The following CDC42BPA variants were observed in gnomAD, a reference collection of about 807,000 sequenced individuals.
The protein encoded by CDC42BPA is serine/threonine-protein kinase MRCK alpha.
CDC42BPA carries 80 observed loss-of-function variants against 223.5 expected under a neutral mutation model. That is an observed-to-expected ratio of 0.36 (90% CI 0.30 to 0.43). The LOEUF is 0.43. Ranked by LOEUF, CDC42BPA falls within the 20% of genes least tolerant of loss-of-function variation. CDC42BPA has a pLI of 1.00. For missense variants in CDC42BPA, 1,743 were observed against 2,099.9 expected, an observed-to-expected ratio of 0.83 and a Z score of 3.32; for synonymous variants, 694 against 718.6, an observed-to-expected ratio of 0.97 and a Z score of 0.55.
intron 14 of CDC42BPA, among the ~76,000 whole-genome samples, chr1:227,102,982 A>G (rs962190591): frequency 9.2e-5 from 14 of 152,080 alleles, no homozygotes; most frequent in African/African-American, 1.4e-4. Flanking sequence ...AAAAACCAGT[A>G]ATTCTTTTAA....
chr1:227,085,647 T>C (rs1042648127), intron 16 of CDC42BPA, among the ~76,000 whole-genome samples: 2 of 152,214 alleles, frequency 1.3e-5, no homozygotes, highest in African/African-American at 4.8e-5. Context: ...AGTTTGTCTG[T>C]AATACCCCAT....
chr1:227,227,258 A>G (rs964491308), intron 2 of CDC42BPA, among the ~76,000 whole-genome samples: 1 of 152,200 alleles, frequency 6.6e-6, no homozygotes, highest in Non-Finnish European at 1.5e-5. Context: ...CAGCTACTAA[A>G]AAAATCTAGT....
chr1:227,195,188 A>G (rs1008106655), intron 4 of CDC42BPA, among the ~76,000 whole-genome samples: 1 of 152,042 alleles, frequency 6.6e-6, no homozygotes, highest in Non-Finnish European at 1.5e-5. Flanking sequence ...ACTAGGCCCA[A>G]CGTTTTTGTT....
intron 2 of CDC42BPA, among the ~76,000 whole-genome samples, chr1:227,249,161 C>T (rs372346111): frequency 1.3e-5 from 2 of 151,962 alleles, no homozygotes; most frequent in East Asian, 1.9e-4. Flanking sequence ...TTTTCAACAA[C>T]GGTGCCAAGA....
chr1:227,121,095 TG>T (rs1156542772), intron 11 of CDC42BPA, among the ~76,000 whole-genome samples: 1 of 152,200 alleles, frequency 6.6e-6, no homozygotes, highest in Non-Finnish European at 1.5e-5. Context: ...CGGCCCAGTC[TG>T]CTGGTACCAG....
chr1:227,180,266 C>A (rs1046694348), intron 5 of CDC42BPA, among the ~76,000 whole-genome samples: 6 of 152,020 alleles, frequency 3.9e-5, no homozygotes, highest in African/African-American at 1.4e-4. Context: ...AAGGAATTCT[C>A]AATTTTTTCC....
intron 21 of CDC42BPA, among the ~76,000 whole-genome samples, chr1:227,059,012 C>T (rs915687325): frequency 2.0e-5 from 3 of 151,992 alleles, no homozygotes; most frequent in South Asian, 2.1e-4. Flanking sequence ...ATTAAAATCT[C>T]TAAGAAACAA....
intron 2 of CDC42BPA, among the ~76,000 whole-genome samples, chr1:227,242,152 T>C (rs564001394): frequency 2.0e-5 from 3 of 151,846 alleles, no homozygotes; most frequent in Non-Finnish European, 2.9e-5. Flanking sequence ...ATATCAATAT[T>C]AGCCAAATAT....
At chr1:227,190,351 A>T (rs1397649717) in intron 5 of CDC42BPA, among the ~76,000 whole-genome samples, 1 of 152,212 alleles carries the variant, frequency 6.6e-6, no homozygotes, top group Non-Finnish European at 1.5e-5. Flanking sequence ...CTCATCTATA[A>T]AATGGGGCAA....
In CDC42BPA at chr1:227,317,092, A is replaced by T; in HGVS notation, c.91T>A (p.Leu31Ile). Residue 31 changes from leucine (L) to isoleucine (I), a missense_variant, in exon 1 of 37, where the codon TTA becomes ATA. Physicochemically the swap from Leu to Ile is conservative, Grantham distance 5 (BLOSUM62 2). Around this residue, in one of 6 missense-constraint regions of CDC42BPA, gnomAD observed 321 missense variants for 488.7 expected, o/e 0.66. Transcript: ENST00000366766. ...TNGQCFSVET[L>I]LDILICLYDE... ...TAAAGGCAGATGAGTATATCCAGTA[A>T]TGTCTCCACACTGAAGCACTGCCCA... The T allele has an allele frequency of 6.2e-7, 1 of 1,614,050 alleles. No homozygotes were observed. The highest frequency in any genetic ancestry group is 1.1e-5 in the South Asian group (1 of 91,072).
At chr1:227,201,512 C>CAACTCTTCAT (rs1671749801) in intron 3 of CDC42BPA, among the ~76,000 whole-genome samples, 1 of 152,134 alleles carries the variant, frequency 6.6e-6, no homozygotes, top group African/African-American at 2.4e-5. Flanking sequence ...AACACTATGA[C>CAACTCTTCAT]AGAAACTTCA....
rs757310346 is a variant in CDC42BPA at position 227,031,394 on chromosome 1, T to C, written c.3679A>G (p.Lys1227Glu). The part of the protein sequence containing the change: ...VLSELHKILK[K>E]NKFRDRSVYV... ...ACTGAGCGGTCTCTGAATTTGTTTT[T>C]CTTCAAAATCTTGTGCAATTCACTC... Residue 1227 changes from lysine (K) to glutamate (E), a missense_variant, in exon 28 of 37, where the codon AAA becomes GAA. This residue lies in a region of CDC42BPA where 678 missense variants were observed against 777.5 expected (regional missense o/e 0.87). Transcript: ENST00000366766. 1 of 1,614,136 alleles carries C rather than the reference T, an allele frequency of 6.2e-7. No homozygotes were observed. The highest frequency in any genetic ancestry group is 1.1e-5 in the South Asian group (1 of 91,078).
chr1:227,196,881 T>C (rs1407589252), intron 4 of CDC42BPA, among the ~76,000 whole-genome samples: 1 of 152,212 alleles, frequency 6.6e-6, no homozygotes, highest in East Asian at 1.9e-4. Context: ...ATTTCACTGG[T>C]TCATTATATT....
intron 20 of CDC42BPA, 24 bp from the exon 21 acceptor site, chr1:227,069,877 T>G (rs751131408): frequency 5.9e-6 from 9 of 1,535,554 alleles, no homozygotes; most frequent in African/African-American, 4.1e-5. Flanking sequence ...GCAACTTTTT[T>G]TAAGGCTACA....
intron 28 of CDC42BPA, among the ~76,000 whole-genome samples, chr1:227,030,812 G>C (rs1669143875): frequency 3.9e-5 from 6 of 152,058 alleles, no homozygotes; most frequent in Admixed American, 3.9e-4. Context: ...AGTATTTATG[G>C]AAAGTAACAA....
chr1:227,081,441 G>A lies in CDC42BPA; in HGVS notation c.2356-424C>T, dbSNP rs772315955. ...AACATCAATCTTGTTTCACTTGTAC[G>A]CCTGTTCTCTCTCTCTTTTTTTTTT... On this transcript the variant is annotated intron_variant, in intron 16 of 36. Transcript: ENST00000366766. Among the ~76,000 whole-genome samples the A allele has an allele frequency of 3.4e-5, 5 of 148,274 alleles. No homozygotes were observed. The South Asian group carries it at 8.4e-4, about 25-fold the overall frequency.
At chr1:227,040,059 T>G (rs1671064283) in intron 24 of CDC42BPA, 72 bp downstream of exon 24, 3 of 954,448 alleles carry the variant, frequency 3.1e-6, no homozygotes, top group South Asian at 2.7e-5. Flanking sequence ...TTATACACCT[T>G]TGAAAGAGAA....
rs866631223 is a variant in CDC42BPA, at chr1:227,218,720, T to C, written c.271-5501A>G. 7.2e-5 allele frequency among the ~76,000 whole-genome samples: 11 copies of C among 152,330 alleles called. No homozygotes were observed. The South Asian group carries it at 2.3e-3, about 32-fold the overall frequency. On this transcript the variant is annotated intron_variant, in intron 2 of 36. Transcript: ENST00000366766. ...CCATTCATCATACCTATAATTCTGA[T>C]ACCTATTGACACATGTTAATGGTGA...
intron 16 of CDC42BPA, among the ~76,000 whole-genome samples, chr1:227,081,264 A>C (rs549335720): frequency 6.7e-6 from 1 of 150,118 alleles, no homozygotes; most frequent in Non-Finnish European, 1.5e-5. Context: ...AGAATTGCCC[A>C]TTTCTGTTGG....
Sources: allele counts gnomAD v4.1 joint callset (sites outside exome capture counted in the v4.1 genomes callset), GRCh38; gene constraint gnomAD v4.1.1; regional missense constraint gnomAD v4.1.1; transcripts MANE v1.5; gene names NCBI Gene and HGNC (gene_info 2026-07-23, HGNC 2026-07-21).